PRDM13: variants seen among roughly 807,000 people sequenced by gnomAD.
PRDM13 encodes PR/SET domain 13.
In PRDM13, 15 loss-of-function variants were observed where a neutral mutation model predicts 36.4. The observed-to-expected ratio is 0.41, with a 90% CI of 0.28 to 0.64. The LOEUF (loss-of-function observed/expected upper bound fraction) is 0.64. Among genes scored for constraint, PRDM13 ranks in the 30% least tolerant of loss-of-function variants. PRDM13 has a pLI of 0.29. For synonymous variants in PRDM13, 531 were observed against 467.7 expected, an observed-to-expected ratio of 1.14 and a Z score of -1.75; for missense variants, 1,044 against 1,013.5, an observed-to-expected ratio of 1.03 and a Z score of -0.41.
chr6:99,610,917 A>C (rs746553810), intron 3 of PRDM13, among the ~76,000 whole-genome samples: 12 of 152,164 alleles, frequency 7.9e-5, no homozygotes, highest in Non-Finnish European at 1.6e-4. Context: ...ATGGTAACAG[A>C]TGTCAAAATA....
At position 99,613,474 on chromosome 6, in the gene PRDM13, C is replaced by T; in HGVS notation, c.839C>T (p.Ala280Val). ...HFLGIVGGSS[A>V]GVGSLAFYPG... Reference sequence around the variant, plus strand: ...CTCGGCATCGTGGGCGGCTCCTCGGCGGGGGTCGGCAGCCTGGCTTTCTAC... The same window carrying T: ...CTCGGCATCGTGGGCGGCTCCTCGGTGGGGGTCGGCAGCCTGGCTTTCTAC... The change falls in exon 4 of 4, where the codon GCG becomes GTG. Residue 280 changes from alanine to valine, a missense_variant. Ala to Val is a moderately conservative substitution (Grantham distance 64). This residue lies in a region of PRDM13 where 921 missense variants were observed against 865.2 expected (regional missense o/e 1.06). Coordinates refer to ENST00000369215, the MANE Select transcript of PRDM13 (RefSeq NM_021620.4). This position sits in a 1 kb window ranked among gnomAD's most constrained non-coding sequence, Gnocchi z 6.1. 6.5e-7 allele frequency: 1 copy of T among 1,530,350 alleles called. No individual in the cohort carries two copies. The highest frequency in any genetic ancestry group is 8.7e-7 in the Non-Finnish European group (1 of 1,147,272). The allele number at this position is 1,530,350 out of a possible 1,614,324, so 94.8% of individuals were successfully genotyped here.
Position 99,613,357 on chromosome 6 carries a change from C to T in PRDM13, c.722C>T (p.Thr241Ile), listed in dbSNP as rs2114499893. Reference protein sequence around the residue: ...ASSAPSATSPTPGKWGQPKKG... With the variant: ...ASSAPSATSPIPGKWGQPKKG... ...TCCGCGCCCTCGGCCACCTCGCCGA[C>T]CCCAGGCAAGTGGGGGCAGCCCAAG... The change falls in exon 4 of 4, where the codon ACC becomes ATC. Residue 241 changes from threonine to isoleucine, a missense_variant. By Grantham distance (89) the Thr-to-Ile change is moderately conservative. This residue lies in a region of PRDM13 where 921 missense variants were observed against 865.2 expected (regional missense o/e 1.06). Transcript: ENST00000369215. This position sits in a 1 kb window ranked among gnomAD's most constrained non-coding sequence, Gnocchi z 6.1. 1.3e-6 allele frequency: 2 copies of T among 1,549,104 alleles called. No individual in the cohort carries two copies. The highest frequency in any genetic ancestry group is 2.4e-5 in the South Asian group (2 of 85,056).
chr6:99,613,115 C>A lies in PRDM13; in HGVS notation c.480C>A (p.Cys160Ter). 6.2e-7 allele frequency: 1 copy of A among 1,613,754 alleles called. No homozygotes were observed. Among genetic ancestry groups the A allele is most frequent in the Non-Finnish European group, 8.5e-7 (1 of 1,180,026 alleles). Residue 160 changes from cysteine (C) to a stop codon, truncating the protein, a stop_gained, in exon 4 of 4, where the codon TGC becomes TGA. Transcript: ENST00000369215. LOFTEE classifies it low-confidence loss of function (END_TRUNC). This position sits in a 1 kb window ranked among gnomAD's most constrained non-coding sequence, Gnocchi z 6.1. ...NSLKAHLRFH[C>*]VFSGGGGGAF... ...TTAAGGCACACCTGCGTTTCCACTG[C>A]GTGTTCAGCGGCGGTGGAGGCGGCG...
chr6:99,608,057 C>T (rs2114495887), intron 1 of PRDM13, among the ~76,000 whole-genome samples: 1 of 152,354 alleles, frequency 6.6e-6, no homozygotes, highest in Admixed American at 6.5e-5. Context: ...GCTTGCCTTG[C>T]TTGGAGCTTT....
At chr6:99,607,973 G>A (rs555738809) in intron 1 of PRDM13, among the ~76,000 whole-genome samples, 3 of 152,360 alleles carry the variant, frequency 2.0e-5, no homozygotes, top group African/African-American at 4.8e-5. Flanking sequence ...GGAGCCAAAG[G>A]TCGGCAAACA....
Position 99,613,320 on chromosome 6 carries a change from C to A in PRDM13, c.685C>A (p.Arg229Ser). The change falls in exon 4 of 4, where the codon CGC becomes AGC. Residue 229 changes from arginine to serine, a missense_variant. Arg to Ser is a moderately radical substitution (Grantham distance 110). This residue lies in a region of PRDM13 where 921 missense variants were observed against 865.2 expected (regional missense o/e 1.06). Transcript: ENST00000369215. This position sits in a 1 kb window ranked among gnomAD's most constrained non-coding sequence, Gnocchi z 6.1. ...CTGCGGTGCGCGGGAGGGCATCAAG[C>A]GCGAGGCCTCTTCCGCGCCCTCGGC... is the stretch of plus-strand genomic sequence containing the variant. ...QACGAREGIK[R>S]EASSAPSATS... The A allele has an allele frequency of 6.4e-7, 1 of 1,559,606 alleles. No homozygotes were observed. The highest frequency in any genetic ancestry group is 8.6e-7 in the Non-Finnish European group (1 of 1,156,278).
Position 99,614,596 on chromosome 6 carries a change from C to T in PRDM13, c.1961C>T (p.Pro654Leu). Residue 654 changes from proline to leucine, a missense_variant, in exon 4 of 4, where the codon CCT (proline) becomes CTT (leucine). By Grantham distance (98) the Pro-to-Leu change is moderately conservative. This residue lies in a region of PRDM13 where 115 missense variants were observed against 122.1 expected (regional missense o/e 0.94). Coordinates refer to ENST00000369215, the MANE Select transcript of PRDM13 (RefSeq NM_021620.4). ...DLERHVKSRHPGQSLLAKAGD... is the reference protein window; with the variant it reads ...DLERHVKSRHLGQSLLAKAGD... ...GAGCGACATGTCAAGTCCCGCCACCCTGGCCAGAGTCTGCTCGCCAAAGCG... is the reference window on the plus strand; with the variant it reads ...GAGCGACATGTCAAGTCCCGCCACCTTGGCCAGAGTCTGCTCGCCAAAGCG... 1.2e-6 allele frequency: 2 copies of T among 1,612,612 alleles called. No individual in the cohort carries two copies. The highest frequency in any genetic ancestry group is 1.7e-6 in the Non-Finnish European group (2 of 1,179,828).
In PRDM13 at chr6:99,610,762, A is replaced by G. The variant is rs142948307; in HGVS notation, c.397+1455A>G. Among the ~76,000 whole-genome samples, 1,204 of 152,352 alleles carry G rather than the reference A, an allele frequency of 7.9e-3. 14 individuals carry two copies. Among genetic ancestry groups the G allele is most frequent in the African/African-American group, 0.027 (1,136 of 41,570 alleles). On this transcript the variant is annotated intron_variant, in intron 3 of 3. Coordinates refer to ENST00000369215, the MANE Select transcript of PRDM13 (RefSeq NM_021620.4). ...GTGGAGAACTCTCAAATCTGCCACT[A>G]TAGAATTTGGCGGGCCACTAACCTT... is the stretch of plus-strand genomic sequence containing the variant.
In PRDM13 at chr6:99,614,781, G is replaced by A; in HGVS notation, c.*22G>A. 1 of 1,551,778 alleles carries A rather than the reference G, an allele frequency of 6.4e-7. No individual in the cohort carries two copies. Among genetic ancestry groups the A allele is most frequent in the Non-Finnish European group, 8.7e-7 (1 of 1,151,096 alleles). On this transcript the variant is annotated 3_prime_UTR_variant, in exon 4 of 4. Coordinates refer to ENST00000369215, the MANE Select transcript of PRDM13 (RefSeq NM_021620.4). ...GTAACGAGTCTTCCCGGGAAGGGGC[G>A]GGGTGAGGACAGAGAGGAGTCGAGG...
chr6:99,609,482 G>T (rs1770001772), intron 3 of PRDM13, among the ~76,000 whole-genome samples, 175 bp downstream of exon 3: 1 of 152,138 alleles, frequency 6.6e-6, no homozygotes, highest in African/African-American at 2.4e-5. Flanking sequence ...AACGATAACA[G>T]TGATAGTAGC....
rs1428138063 is a variant in PRDM13 at position 99,613,347 on chromosome 6, A to T, written c.712A>T (p.Thr238Ser). The change falls in exon 4 of 4, where the codon ACC (threonine) becomes TCC (serine). Residue 238 changes from threonine to serine, a missense_variant. Transcript: ENST00000369215. This position sits in a 1 kb window ranked among gnomAD's most constrained non-coding sequence, Gnocchi z 6.1. ...KREASSAPSATSPTPGKWGQP... is the reference protein window; with the variant it reads ...KREASSAPSASSPTPGKWGQP... The stretch of plus-strand genomic sequence containing the variant: ...CGAGGCCTCTTCCGCGCCCTCGGCC[A>T]CCTCGCCGACCCCAGGCAAGTGGGG... 14 of 1,547,804 alleles carry T rather than the reference A, an allele frequency of 9.0e-6. No homozygotes were observed. In the South Asian group the frequency reaches 1.2e-4, roughly 13 times the overall value.
chr6:99,612,495 G>T (rs1424156096), intron 3 of PRDM13, among the ~76,000 whole-genome samples: 5 of 152,144 alleles, frequency 3.3e-5, no homozygotes, highest in African/African-American at 1.2e-4. Flanking sequence ...GTGGGTAGGG[G>T]ACACAAAAGA....
chr6:99,612,354 T>C (rs1770043357), intron 3 of PRDM13, among the ~76,000 whole-genome samples: 1 of 151,936 alleles, frequency 6.6e-6, no homozygotes, highest in African/African-American at 2.4e-5. Context: ...AATTAAATGG[T>C]GTTAAAGAGG....
At position 99,613,046 on chromosome 6, in the gene PRDM13, C is replaced by A. The variant is rs1770054753; in HGVS notation, c.411C>A (p.Tyr137Ter). The change falls in exon 4 of 4, where the codon TAC (tyrosine) becomes TAA (stop). Residue 137 changes from tyrosine (Y) to a stop codon, truncating the protein, a stop_gained. Coordinates refer to ENST00000369215, the MANE Select transcript of PRDM13 (RefSeq NM_021620.4). LOFTEE classifies it low-confidence loss of function (END_TRUNC). This position sits in a 1 kb window ranked among gnomAD's most constrained non-coding sequence, Gnocchi z 6.1. ...TTTCTTGCCCAGGGGAGGAGCGCTA[C>A]ATCTGCTGGTACTGCTGGAGGACGT... ...PTHDEKGEER[Y>*]ICWYCWRTFR... 1 of 1,608,634 alleles carries A rather than the reference C, an allele frequency of 6.2e-7. No homozygotes were observed.
chr6:99,609,273 C>A lies in PRDM13; in HGVS notation c.363C>A (p.Ile121=). 1 of 1,613,998 alleles carries A rather than the reference C, an allele frequency of 6.2e-7. No individual in the cohort carries two copies. Among genetic ancestry groups the A allele is most frequent in the South Asian group, 1.1e-5 (1 of 91,072 alleles). ...ACTCCTTGGCTCAGTGGTTCGACATCCCCACCACAGCGACTCCGACTCACG... is the reference window on the plus strand; with the variant it reads ...ACTCCTTGGCTCAGTGGTTCGACATACCCACCACAGCGACTCCGACTCACG... ...YSNSLAQWFD[I]PTTATPTHDE... is the part of the protein sequence containing the mutation. The change falls in exon 3 of 4, where the codon ATC becomes ATA. Residue 121 remains isoleucine (I), a synonymous_variant. Transcript: ENST00000369215.
chr6:99,609,544 G>A (rs1770002578), intron 3 of PRDM13, among the ~76,000 whole-genome samples: 1 of 152,100 alleles, frequency 6.6e-6, no homozygotes, highest in Non-Finnish European at 1.5e-5. Flanking sequence ...ACTTAATGGG[G>A]CCATCCTTTT....
In PRDM13 at chr6:99,613,530, G is replaced by C; in HGVS notation, c.895G>C (p.Gly299Arg). Residue 299 changes from glycine to arginine, a missense_variant, in exon 4 of 4, where the codon GGC becomes CGC. Physicochemically the swap from Gly to Arg is moderately radical, Grantham distance 125. Coordinates refer to ENST00000369215, the MANE Select transcript of PRDM13 (RefSeq NM_021620.4). The surrounding 1 kb of genome is among the most constrained non-coding windows in gnomAD (Gnocchi z 6.1). ...PGVRSAFKPA[G>R]LARAAAAAHG... ...CGTGCGCTCAGCTTTCAAGCCCGCC[G>C]GCCTAGCGAGGGCGGCGGCGGCCGC... 2.0e-6 allele frequency: 3 copies of C among 1,498,960 alleles called. No homozygotes were observed. The highest frequency in any genetic ancestry group is 2.6e-6 in the Non-Finnish European group (3 of 1,134,694). The allele number at this position is 1,498,960 out of a possible 1,614,324, so 92.9% of individuals were successfully genotyped here.
Position 99,608,734 on chromosome 6 carries a change from G to A in PRDM13, c.145-7G>A. 1.2e-6 allele frequency: 2 copies of A among 1,602,964 alleles called. No homozygotes were observed. Among genetic ancestry groups the A allele is most frequent in the Non-Finnish European group, 1.7e-6 (2 of 1,174,544 alleles). Reference sequence around the variant, plus strand: ...GCGGGGGAGAACGACCACTGCTTGTGTTGCAGGTGCGCATGGTGAGAGGGG... The same window carrying A: ...GCGGGGGAGAACGACCACTGCTTGTATTGCAGGTGCGCATGGTGAGAGGGG... On this transcript the variant is annotated splice_region_variant and splice_polypyrimidine_tract_variant and intron_variant, in intron 1 of 3. Transcript: ENST00000369215.
Position 99,613,586 on chromosome 6 carries a change from C to T in PRDM13, c.951C>T (p.Ser317=). ...AHGDPYREES[S]SKQGAGLALG... is the part of the protein sequence containing the mutation. ...GCGACCCCTACCGGGAGGAGAGCAG[C>T]AGCAAGCAAGGAGCCGGCCTCGCTT... is the stretch of plus-strand genomic sequence containing the variant. Residue 317 remains serine, a synonymous_variant, in exon 4 of 4, where the codon AGC becomes AGT. Coordinates refer to ENST00000369215, the MANE Select transcript of PRDM13 (RefSeq NM_021620.4). The surrounding 1 kb of genome is among the most constrained non-coding windows in gnomAD (Gnocchi z 6.1). 6.7e-7 allele frequency: 1 copy of T among 1,499,430 alleles called. No homozygotes were observed. The highest frequency in any genetic ancestry group is 1.2e-5 in the South Asian group (1 of 80,584). 92.9% of individuals were successfully genotyped at this position (1,499,430 alleles called of 1,614,324 possible). A position where few individuals can be genotyped will look rare whatever the true frequency, so the allele number is the denominator to read the frequency against.
Sources: allele counts gnomAD v4.1 joint callset (sites outside exome capture counted in the v4.1 genomes callset), GRCh38; gene constraint gnomAD v4.1.1; regional missense constraint gnomAD v4.1.1; non-coding constraint Gnocchi (gnomAD v3.1); transcripts MANE v1.5; gene names NCBI Gene and HGNC (gene_info 2026-07-23, HGNC 2026-07-21).